The following CACNB4 variants were observed in gnomAD, a reference collection of about 807,000 sequenced individuals.
CACNB4 encodes the protein voltage-dependent L-type calcium channel subunit beta-4.
A neutral mutation model predicts 71.2 loss-of-function variants in CACNB4; 32 were observed. That is an observed-to-expected ratio of 0.45 (90% CI 0.34 to 0.60). The LOEUF (loss-of-function observed/expected upper bound fraction) is 0.60, where lower values mean the gene tolerates loss of function less well. Among genes scored for constraint, CACNB4 ranks in the 20% least tolerant of loss-of-function variants. CACNB4 has a pLI of 0.01. For missense variants in CACNB4, 464 were observed against 647.9 expected (o/e 0.72, Z 3.08); for synonymous variants, 231 against 236.9 (o/e 0.97, Z 0.23).
chr2:152,065,398 AAAAG>A (rs557707452), intron 2 of CACNB4, among the ~76,000 whole-genome samples: 194 of 152,222 alleles, frequency 1.3e-3, no homozygotes, highest in Non-Finnish European at 1.1e-3. Context: ...AAAAAAAAAA[AAAAG>A]AGAGAGAGAG....
chr2:152,058,937 A>G (rs1298267189), intron 2 of CACNB4, among the ~76,000 whole-genome samples: 1 of 152,236 alleles, frequency 6.6e-6, no homozygotes, highest in East Asian at 1.9e-4. Context: ...CTGTGGCTAA[A>G]AGGGGCGAAG....
At chr2:152,094,132 G>A (rs915765877) in intron 2 of CACNB4, among the ~76,000 whole-genome samples, 17 of 152,208 alleles carry the variant, frequency 1.1e-4, no homozygotes, top group Non-Finnish European at 2.5e-4. Context: ...TAAAAGCGGT[G>A]GTGCTACTGA....
At chr2:151,891,168 G>C (rs1044356523) in intron 2 of CACNB4, among the ~76,000 whole-genome samples, 15 of 152,160 alleles carry the variant, frequency 9.9e-5, no homozygotes, top group Non-Finnish European at 2.1e-4. Flanking sequence ...CACCCTTCCT[G>C]TTGTGCTGGC....
chr2:151,869,085 T>C, intron 9 of CACNB4, 92 bp downstream of exon 9: 1 of 769,738 alleles, frequency 1.3e-6, no homozygotes, highest in Middle Eastern at 2.9e-4. Flanking sequence ...AGAGAACTTC[T>C]GAAATCTCTG....
At chr2:151,865,784 C>CTTTCTTTCTTTCT (rs139662383) in intron 9 of CACNB4, 210 of 144,184 alleles carry the variant, frequency 1.5e-3, no homozygotes, top group African/African-American at 5.1e-3. Context: ...TTCTTTCTTT[C>CTTTCTTTCTTTCT]TTTTTTTTTT....
intron 10 of CACNB4, chr2:151,859,554 A>G (rs901255148): frequency 1.3e-5 from 2 of 152,232 alleles, no homozygotes; most frequent in African/African-American, 4.8e-5. Context: ...AGGATTCACC[A>G]TCAACACTGC....
intron 2 of CACNB4, chr2:151,967,282 C>G (rs2099871392): frequency 6.6e-6 from 1 of 152,252 alleles, no homozygotes; most frequent in Admixed American, 6.6e-5. Flanking sequence ...TCTCAAACTC[C>G]TGAGCTCAAG....
intron 2 of CACNB4, among the ~76,000 whole-genome samples, chr2:152,012,862 GTA>G (rs1237404580): frequency 6.6e-6 from 1 of 152,120 alleles, no homozygotes; most frequent in African/African-American, 2.4e-5. Context: ...GTAGTGGACA[GTA>G]ATGTCCCTGG....
At chr2:151,997,101 T>C (rs1279813325) in intron 2 of CACNB4, among the ~76,000 whole-genome samples, 1 of 152,118 alleles carries the variant, frequency 6.6e-6, no homozygotes, top group East Asian at 1.9e-4. Flanking sequence ...AAAAGATACA[T>C]CTGCATTCAA....
At chr2:152,032,133 A>AT (rs1684319667) in intron 2 of CACNB4, among the ~76,000 whole-genome samples, 1 of 152,272 alleles carries the variant, frequency 6.6e-6, no homozygotes, top group South Asian at 2.1e-4. Context: ...ACCAAGTCTG[A>AT]TTTTTTCAGA....
In CACNB4 at chr2:152,098,709, G is replaced by T; in HGVS notation, c.63+240C>A. The T allele has an allele frequency of 6.4e-7, 1 of 1,556,368 alleles. No homozygotes were observed. The highest frequency in any genetic ancestry group is 1.9e-5 in the Admixed American group (1 of 51,780). On this transcript the variant is annotated intron_variant, in intron 1 of 13. Coordinates refer to ENST00000539935, the MANE Select transcript of CACNB4 (RefSeq NM_000726.5). This position sits in a 1 kb window ranked among gnomAD's most constrained non-coding sequence, Gnocchi z 5.3. ...CCGGCATCCGCTGGGGGAGGCTGCGGGCTCCGGAGCGGGAGCGCAGAGACC... is the reference window on the plus strand; with the variant it reads ...CCGGCATCCGCTGGGGGAGGCTGCGTGCTCCGGAGCGGGAGCGCAGAGACC...
At chr2:151,980,000 T>C (rs1371825520) in intron 2 of CACNB4, among the ~76,000 whole-genome samples, 1 of 152,206 alleles carries the variant, frequency 6.6e-6, no homozygotes, top group Non-Finnish European at 1.5e-5. Flanking sequence ...AAGGTGGGAC[T>C]CCTTCAGTTC....
intron 2 of CACNB4, among the ~76,000 whole-genome samples, chr2:151,926,284 G>A: frequency 6.6e-6 from 1 of 152,138 alleles, no homozygotes; most frequent in African/African-American, 2.4e-5. Context: ...GAAGACAAGT[G>A]AAGAAAAGTA....
intron 13 of CACNB4, chr2:151,841,542 C>A (rs927743912): frequency 4.5e-6 from 1 of 222,292 alleles, no homozygotes; most frequent in Non-Finnish European, 8.9e-6. Flanking sequence ...GAGCTATGAT[C>A]ATATCACTGC....
At chr2:152,041,276 G>A (rs1236642891) in intron 2 of CACNB4, among the ~76,000 whole-genome samples, 3 of 152,196 alleles carry the variant, frequency 2.0e-5, no homozygotes, top group Non-Finnish European at 2.9e-5. Flanking sequence ...TGTGTATAGA[G>A]AGATCTGTGT....
chr2:152,073,925 T>C (rs1686845404), intron 2 of CACNB4, among the ~76,000 whole-genome samples: 1 of 152,146 alleles, frequency 6.6e-6, no homozygotes, highest in Admixed American at 6.5e-5. Flanking sequence ...GAGGCAGGAC[T>C]GTAAGAGGCA....
At chr2:151,875,554 T>C (rs904178427) in intron 5 of CACNB4, among the ~76,000 whole-genome samples, 17 of 150,540 alleles carry the variant, frequency 1.1e-4, no homozygotes, top group Non-Finnish European at 2.1e-4. Flanking sequence ...GGCTCCTCAC[T>C]TCCCAGTAGG....
chr2:152,044,134 G>A (rs1685015431), intron 2 of CACNB4, among the ~76,000 whole-genome samples: 1 of 152,120 alleles, frequency 6.6e-6, no homozygotes, highest in African/African-American at 2.4e-5. Flanking sequence ...AAAACAAAAC[G>A]TGCTTCTTTC....
intron 10 of CACNB4, among the ~76,000 whole-genome samples, chr2:151,856,453 G>A (rs781108269): frequency 3.3e-5 from 5 of 151,762 alleles, no homozygotes; most frequent in South Asian, 4.2e-4. Flanking sequence ...ATAGGCACAC[G>A]CCACCATGCC....
Sources: gnomAD v4.1 joint callset for allele counts (sites outside exome capture counted in the v4.1 genomes callset) on GRCh38, gnomAD v4.1.1 for gene constraint, Gnocchi (gnomAD v3.1) non-coding constraint, MANE v1.5 for transcripts, NCBI Gene and HGNC (gene_info 2026-07-23, HGNC 2026-07-21) for gene names.